SLC30A9: variants seen among roughly 807,000 people sequenced by gnomAD.
SLC30A9 encodes the protein solute carrier family 30 member 9.
In SLC30A9, 58 loss-of-function variants were observed where a neutral mutation model predicts 87.5. That is an observed-to-expected ratio of 0.66 (90% CI 0.54 to 0.82). The LOEUF (loss-of-function observed/expected upper bound fraction) is 0.82, where lower values mean the gene tolerates loss of function less well. Among genes scored for constraint, SLC30A9 ranks in the 40% least tolerant of loss-of-function variants. SLC30A9 has a pLI of 0.00. For synonymous variants in SLC30A9, 234 were observed against 233.0 expected (o/e 1.00, Z -0.04); for missense variants, 557 against 679.1 (o/e 0.82, Z 2.00).
At chr4:42,077,174 G>C (rs1056490939) in intron 16 of SLC30A9, among the ~76,000 whole-genome samples, 1 of 152,024 alleles carries the variant, frequency 6.6e-6, no homozygotes, top group African/African-American at 2.4e-5. Flanking sequence ...TGTATATCAA[G>C]GTTCTTGCTT....
rs1409352169 is a variant in SLC30A9, at chr4:41,990,703, C to T, written c.52C>T (p.Leu18=). ...GGCCCACAGATGTAGCTGGTCCTCC[C>T]TGTGCCGGCTCCGTCTGCGATGCAG... ...AAAHRCSWSS[L]CRLRLRCRAA... Residue 18 remains leucine, a synonymous_variant, in exon 1 of 18, where the codon CTG becomes TTG. Coordinates refer to ENST00000264451, the MANE Select transcript of SLC30A9 (RefSeq NM_006345.4). The T allele has an allele frequency of 1.9e-6, 3 of 1,612,238 alleles. No homozygotes were observed. The East Asian group carries it at 6.7e-5, about 36-fold the overall frequency.
chr4:42,080,530 T>G (rs1212185065), intron 17 of SLC30A9, among the ~76,000 whole-genome samples: 1 of 152,216 alleles, frequency 6.6e-6, no homozygotes, highest in Non-Finnish European at 1.5e-5. Flanking sequence ...GAAGCTCATC[T>G]GAGACTTGAT....
At chr4:42,007,972 CATA>C (rs1469224449) in intron 2 of SLC30A9, among the ~76,000 whole-genome samples, 1 of 152,138 alleles carries the variant, frequency 6.6e-6, no homozygotes, top group African/African-American at 2.4e-5. Flanking sequence ...TCTAGTTACC[CATA>C]GAACAAAGCC....
intron 9 of SLC30A9, among the ~76,000 whole-genome samples, chr4:42,058,640 C>T (rs1290833803): frequency 1.3e-5 from 2 of 152,190 alleles, no homozygotes; most frequent in East Asian, 3.8e-4. Context: ...TTTCACATGG[C>T]TAGGGAAGCC....
chr4:42,038,943 CA>C (rs1390807000), intron 7 of SLC30A9, 42 bp from the exon 8 acceptor site: 15 of 1,498,592 alleles, frequency 1.0e-5, no homozygotes, highest in Middle Eastern at 1.7e-4. Flanking sequence ...TGCTTCTCTG[CA>C]AAATTTTGGA....
At chr4:42,034,992 A>G (rs11730171) in intron 6 of SLC30A9, among the ~76,000 whole-genome samples, 90,804 of 151,944 alleles carry the variant, frequency 0.6, 32,809 homozygotes, top group East Asian at 0.95. Flanking sequence ...ATGTGAGGTG[A>G]TATCTCATTG....
intron 6 of SLC30A9, among the ~76,000 whole-genome samples, chr4:42,029,025 C>T (rs1052379167): frequency 1.3e-5 from 2 of 152,226 alleles, no homozygotes; most frequent in Non-Finnish European, 2.9e-5. Context: ...TAATGTCAGT[C>T]AGCTTTATGT....
At chr4:42,081,315 T>A (rs878860203) in intron 17 of SLC30A9, among the ~76,000 whole-genome samples, 1 of 152,240 alleles carries the variant, frequency 6.6e-6, no homozygotes, top group African/African-American at 2.4e-5. Context: ...GCTTTTTTTT[T>A]AATGTCAAGT....
intron 8 of SLC30A9, among the ~76,000 whole-genome samples, chr4:42,048,073 A>C (rs535223289): frequency 1.2e-4 from 17 of 147,086 alleles, no homozygotes; most frequent in African/African-American, 4.0e-4. Flanking sequence ...ACTGGGGCCT[A>C]TTGGGGGGTG....
chr4:42,009,903 T>C (rs1715368750), intron 2 of SLC30A9, among the ~76,000 whole-genome samples: 1 of 152,234 alleles, frequency 6.6e-6, no homozygotes. Flanking sequence ...CCTTTTTCCC[T>C]TCACTCCTCT....
At position 42,022,866 on chromosome 4, in the gene SLC30A9, C is replaced by T; in HGVS notation, c.463C>T (p.Arg155Ter). ...TCTAGAACAACTTCGAAAAATCAGA[C>T]GACGAAGTCCCCATGAAGATACTGA... ...SDLEQLRKIR[R>*]RSPHEDTESF... Residue 155 changes from arginine to a stop codon, truncating the protein, a stop_gained, in exon 5 of 18, where the codon CGA becomes TGA. Transcript: ENST00000264451. LOFTEE classifies it high-confidence loss of function. The T allele has an allele frequency of 6.3e-7, 1 of 1,599,786 alleles. No individual in the cohort carries two copies. Among genetic ancestry groups the T allele is most frequent in the South Asian group, 1.1e-5 (1 of 88,576 alleles).
rs115139184 is a variant in SLC30A9 at position 42,004,520 on chromosome 4, A to T, written c.274+2740A>T. On this transcript the variant is annotated intron_variant, in intron 2 of 17. Coordinates refer to ENST00000264451, the MANE Select transcript of SLC30A9 (RefSeq NM_006345.4). Reference sequence around the variant, plus strand: ...TCTCTATCGTATTTTCTATTTCTTTACCTTTCTGGCCTGCATTCTGTATTA... The same window carrying T: ...TCTCTATCGTATTTTCTATTTCTTTTCCTTTCTGGCCTGCATTCTGTATTA... 3.2e-3 allele frequency among the ~76,000 whole-genome samples: 488 copies of T among 151,796 alleles called. 2 individuals are homozygous for T. The highest frequency in any genetic ancestry group is 0.011 in the African/African-American group (467 of 41,376).
chr4:42,043,827 G>A (rs866833218), intron 8 of SLC30A9, among the ~76,000 whole-genome samples: 14 of 152,116 alleles, frequency 9.2e-5, no homozygotes, highest in Admixed American at 9.2e-4. Flanking sequence ...GAGAAAGGTC[G>A]GGTTACCCAC....
Position 42,063,111 on chromosome 4 carries a change from C to T in SLC30A9, c.1022C>T (p.Ser341Phe), listed in dbSNP as rs2153139919. The change falls in exon 11 of 18, where the codon TCC becomes TTC. Residue 341 changes from serine (S) to phenylalanine (F), a missense_variant. By Grantham distance (155) the Ser-to-Phe change is radical. Coordinates refer to ENST00000264451, the MANE Select transcript of SLC30A9 (RefSeq NM_006345.4). ...MGLLHPQPIESLLWAYCILAG... is the reference protein window; with the variant it reads ...MGLLHPQPIEFLLWAYCILAG... ...TTGCTTCATCCTCAACCAATAGAAT[C>T]CCTTCTATGGGTAATCCTCTTTTTT... 6.2e-7 allele frequency: 1 copy of T among 1,613,448 alleles called. No individual in the cohort carries two copies. The highest frequency in any genetic ancestry group is 8.5e-7 in the Non-Finnish European group (1 of 1,179,564).
intron 17 of SLC30A9, 183 bp downstream of exon 17, chr4:42,078,508 G>C (rs567777055): frequency 1.5e-4 from 58 of 386,310 alleles, no homozygotes; most frequent in Non-Finnish European, 7.0e-5. Context: ...ATTTACCCAA[G>C]GAAATAGGGA....
intron 9 of SLC30A9, among the ~76,000 whole-genome samples, chr4:42,059,884 C>T (rs1717773386): frequency 6.6e-6 from 1 of 152,072 alleles, no homozygotes; most frequent in African/African-American, 2.4e-5. Context: ...CTACTCTAAC[C>T]CTATTTTTTT....
chr4:42,002,339 G>T (rs763382786), intron 2 of SLC30A9, among the ~76,000 whole-genome samples: 4 of 151,870 alleles, frequency 2.6e-5, no homozygotes, highest in Non-Finnish European at 5.9e-5. Flanking sequence ...TATTTTGTGT[G>T]ATGATGAGGT....
At position 42,023,294 on chromosome 4, in the gene SLC30A9, A is replaced by G. The variant is rs1484290250; in HGVS notation, c.528-8A>G. On this transcript the variant is annotated splice_region_variant and splice_polypyrimidine_tract_variant and intron_variant, in intron 5 of 17. Transcript: ENST00000264451. The stretch of plus-strand genomic sequence containing the variant: ...TGTTCATTGTGGTGACCATGTGTGT[A>G]TGCACAGATCTTTGGAAGTTTGGGG... The G allele has an allele frequency of 3.2e-5, 51 of 1,602,144 alleles. No individual in the cohort carries two copies. Among genetic ancestry groups the G allele is most frequent in the Non-Finnish European group, 3.8e-5 (45 of 1,169,090 alleles).
rs1714993406 is a variant in SLC30A9, at chr4:42,001,729, G to A, written c.223G>A (p.Gly75Arg). 1.9e-6 allele frequency: 3 copies of A among 1,611,160 alleles called. No individual in the cohort carries two copies. The highest frequency in any genetic ancestry group is 4.5e-5 in the East Asian group (2 of 44,694). ...KLYSTNVQKE[G>R]QGSQTLRVEK... is the part of the protein sequence containing the mutation. ...GTACTCCACAAATGTTCAGAAAGAA[G>A]GACAGGGATCACAAACACTCAGAGT... Residue 75 changes from glycine (G) to arginine (R), a missense_variant, in exon 2 of 18, where the codon GGA becomes AGA. Transcript: ENST00000264451.
Sources: gnomAD v4.1 joint callset for allele counts (sites outside exome capture counted in the v4.1 genomes callset) on GRCh38, gnomAD v4.1.1 for gene constraint, MANE v1.5 for transcripts, NCBI Gene and HGNC (gene_info 2026-07-23, HGNC 2026-07-21) for gene names.